The following THRB variants were observed in gnomAD, a reference collection of about 807,000 sequenced individuals.
THRB encodes the protein thyroid hormone receptor beta, also known as nuclear receptor subfamily 1 group A member 2.
A neutral mutation model predicts 47.8 loss-of-function variants in THRB; 12 were observed. The observed-to-expected ratio is 0.25, with a 90% CI of 0.16 to 0.41. The LOEUF (loss-of-function observed/expected upper bound fraction) is 0.41. Among genes scored for constraint, THRB ranks in the 10% least tolerant of loss-of-function variants. The probability of loss-of-function intolerance (pLI) is 1.00; values close to 1 mark genes in which losing one functional copy is unlikely to be tolerated. For synonymous variants in THRB, 218 were observed against 212.2 expected (o/e 1.03, Z -0.24); for missense variants, 348 against 589.2 (o/e 0.59, Z 4.24).
chr3:24,247,839 G>A (rs1397325994), intron 3 of THRB, among the ~76,000 whole-genome samples: 2 of 152,044 alleles, frequency 1.3e-5, no homozygotes, highest in East Asian at 1.9e-4. Flanking sequence ...TTTTCTATGA[G>A]CAAAAATCAC....
At chr3:24,273,874 T>C (rs1036633510) in intron 3 of THRB, among the ~76,000 whole-genome samples, 16 of 151,906 alleles carry the variant, frequency 1.1e-4, no homozygotes, top group Non-Finnish European at 1.9e-4. Flanking sequence ...TGGGCCTGTA[T>C]GTATGTATCT....
At chr3:24,165,405 T>G (rs759978592) in intron 5 of THRB, 1 of 719,794 alleles carries the variant, frequency 1.4e-6, no homozygotes, top group Non-Finnish European at 2.5e-6. Flanking sequence ...AGTCTACGCA[T>G]GCATTCTCCA....
rs940906971 is a variant in THRB, at chr3:24,430,364, T to C, written c.-261+64288A>G. 3.7e-4 allele frequency among the ~76,000 whole-genome samples: 57 copies of C among 152,082 alleles called. 1 individual carries two copies. The highest frequency in any genetic ancestry group is 3.9e-4 in the Admixed American group (6 of 15,256). ...TTTATGAGAGGCTTTGCATTGAAGATCAAAGGGGAACTCATAGACTGCTCA... is the reference window on the plus strand; with the variant it reads ...TTTATGAGAGGCTTTGCATTGAAGACCAAAGGGGAACTCATAGACTGCTCA... On this transcript the variant is annotated intron_variant, in intron 1 of 10. Transcript: ENST00000646209.
chr3:24,213,869 A>T (rs1408133181), intron 4 of THRB, among the ~76,000 whole-genome samples: 2 of 152,166 alleles, frequency 1.3e-5, no homozygotes, highest in Admixed American at 6.5e-5. Context: ...CAAGATAACA[A>T]GACAGCTGCA....
chr3:24,165,399 T>C (rs367682810), intron 5 of THRB: 34 of 723,004 alleles, frequency 4.7e-5, no homozygotes, highest in Non-Finnish European at 8.3e-5. Flanking sequence ...ACACACAGTC[T>C]ACGCATGCAT....
At chr3:24,357,456 A>T (rs1267444715) in intron 1 of THRB, among the ~76,000 whole-genome samples, 1 of 151,742 alleles carries the variant, frequency 6.6e-6, no homozygotes, top group East Asian at 1.9e-4. Context: ...AAAAAAATTT[A>T]AAAAGTTCAA....
At chr3:24,124,657 T>A (rs2032372034) in intron 10 of THRB, among the ~76,000 whole-genome samples, 1 of 152,214 alleles carries the variant, frequency 6.6e-6, no homozygotes, top group Non-Finnish European at 1.5e-5. Context: ...TAAAGAAATG[T>A]CTTTCAGATC....
intron 3 of THRB, among the ~76,000 whole-genome samples, chr3:24,236,442 C>A (rs1336864766): frequency 1.3e-5 from 2 of 151,586 alleles, no homozygotes; most frequent in African/African-American, 4.9e-5. Context: ...TATTGGGAGA[C>A]TTCTTTATTA....
At chr3:24,238,868 G>A (rs9818233) in intron 3 of THRB, among the ~76,000 whole-genome samples, 36,027 of 151,904 alleles carry the variant, frequency 0.24, 4,413 homozygotes, top group South Asian at 0.28. Flanking sequence ...GGGGGGCAGG[G>A]GACATGGGGC....
intron 2 of THRB, among the ~76,000 whole-genome samples, chr3:24,312,166 A>C (rs553767048): frequency 6.6e-6 from 1 of 152,294 alleles, no homozygotes; most frequent in East Asian, 1.9e-4. Flanking sequence ...TCCTTTGGGA[A>C]GTTTTCCTGA....
At chr3:24,181,695 C>T (rs1329352469) in intron 5 of THRB, among the ~76,000 whole-genome samples, 2 of 151,782 alleles carry the variant, frequency 1.3e-5, no homozygotes, top group East Asian at 3.9e-4. Flanking sequence ...CACAGTATTA[C>T]TTGTTACTTG....
At chr3:24,381,668 T>A (rs939777629) in intron 1 of THRB, among the ~76,000 whole-genome samples, 1 of 152,128 alleles carries the variant, frequency 6.6e-6, no homozygotes, top group Admixed American at 6.6e-5. Context: ...GATCCCGGTA[T>A]AAAATGTTAA....
At chr3:24,287,390 A>G (rs1215381313) in intron 3 of THRB, among the ~76,000 whole-genome samples, 3 of 152,186 alleles carry the variant, frequency 2.0e-5, no homozygotes, top group Admixed American at 1.3e-4. Context: ...TTTTATGTGC[A>G]TTATTTTATT....
chr3:24,229,915 A>T (rs906287150), intron 3 of THRB, among the ~76,000 whole-genome samples: 2 of 152,156 alleles, frequency 1.3e-5, no homozygotes, highest in Non-Finnish European at 2.9e-5. Context: ...GGATCAGAGG[A>T]AGTAATTTCA....
intron 4 of THRB, among the ~76,000 whole-genome samples, chr3:24,219,962 G>C (rs1317092931): frequency 6.6e-6 from 1 of 152,220 alleles, no homozygotes; most frequent in African/African-American, 2.4e-5. Context: ...AGCTACCAGA[G>C]GTTTCACCTT....
chr3:24,123,241 C>T (rs1174922459), intron 10 of THRB, 116 bp from the exon 11 acceptor site: 11 of 1,479,102 alleles, frequency 7.4e-6, no homozygotes, highest in Admixed American at 6.8e-5. Context: ...CCCTCTTAGC[C>T]ATGAGCATGG....
intron 2 of THRB, among the ~76,000 whole-genome samples, chr3:24,335,695 T>C (rs967852820): frequency 1.3e-5 from 2 of 152,240 alleles, no homozygotes; most frequent in Non-Finnish European, 2.9e-5. Context: ...TTTTGATTCT[T>C]ACCACCACAG....
At chr3:24,253,249 C>T (rs563941935) in intron 3 of THRB, among the ~76,000 whole-genome samples, 1 of 152,088 alleles carries the variant, frequency 6.6e-6, no homozygotes, top group Admixed American at 6.5e-5. Context: ...AGAAAGGTAA[C>T]CATTTAGTCT....
intron 4 of THRB, among the ~76,000 whole-genome samples, chr3:24,204,038 G>A (rs2044961444): frequency 6.6e-6 from 1 of 152,268 alleles, no homozygotes. Flanking sequence ...CCCACCACAA[G>A]CTCAAGGAGG....
Sources: gnomAD v4.1 joint callset for allele counts (sites outside exome capture counted in the v4.1 genomes callset) on GRCh38, gnomAD v4.1.1 for gene constraint, MANE v1.5 for transcripts, NCBI Gene and HGNC (gene_info 2026-07-23, HGNC 2026-07-21) for gene names.